Variants in BBS9 observed in about 807,000 individuals in gnomAD.
BBS9 encodes the protein protein PTHB1.
BBS9 carries 89 observed loss-of-function variants against 117.7 expected under a neutral mutation model. That is an observed-to-expected ratio of 0.76 (90% CI 0.64 to 0.90). The LOEUF (loss-of-function observed/expected upper bound fraction) is 0.90. Ranked by LOEUF, BBS9 falls within the 40% of genes least tolerant of loss-of-function variation. BBS9 has a pLI of 0.00. For missense variants in BBS9, 982 were observed against 1,042.2 expected (o/e 0.94, Z 0.80); for synonymous variants, 379 against 370.9 (o/e 1.02, Z -0.25).
At chr7:33,480,482 T>C (rs544852514) in intron 19 of BBS9, among the ~76,000 whole-genome samples, 9 of 152,282 alleles carry the variant, frequency 5.9e-5, no homozygotes, top group South Asian at 4.1e-4. Context: ...GCAGAGGAAT[T>C]CTGATCTGGG....
At chr7:33,347,616 T>G (rs1215603348) in intron 12 of BBS9, among the ~76,000 whole-genome samples, 1 of 152,000 alleles carries the variant, frequency 6.6e-6, no homozygotes, top group Non-Finnish European at 1.5e-5. Context: ...AATTTTTATG[T>G]TTTTAACTTA....
intron 9 of BBS9, among the ~76,000 whole-genome samples, chr7:33,305,912 T>C (rs1331055771): frequency 6.6e-6 from 1 of 152,126 alleles, no homozygotes; most frequent in Non-Finnish European, 1.5e-5. Flanking sequence ...TTATTTTTGC[T>C]GTGATGTTTA....
At chr7:33,601,829 T>A (rs1863842260) in intron 21 of BBS9, among the ~76,000 whole-genome samples, 2 of 152,176 alleles carry the variant, frequency 1.3e-5, no homozygotes, top group Admixed American at 1.3e-4. Flanking sequence ...GTGTCTTGAC[T>A]TCTGCCTGCA....
chr7:33,284,873 C>T (rs1013767607), intron 9 of BBS9, among the ~76,000 whole-genome samples: 3 of 152,064 alleles, frequency 2.0e-5, no homozygotes, highest in African/African-American at 7.2e-5. Flanking sequence ...TGTCTTTCTC[C>T]CAGCCACTTC....
chr7:33,219,922 TCACC>T (rs1430906531), intron 5 of BBS9, among the ~76,000 whole-genome samples: 3 of 152,096 alleles, frequency 2.0e-5, no homozygotes, highest in Non-Finnish European at 4.4e-5. Context: ...GCTGTAACAC[TCACC>T]GCGAAGTTCT....
At chr7:33,344,454 A>G in intron 11 of BBS9, 127 bp from the exon 12 acceptor site, 1 of 893,852 alleles carries the variant, frequency 1.1e-6, no homozygotes, top group Non-Finnish European at 1.9e-6. Flanking sequence ...GTCTGTCATT[A>G]GAGTAATAAA....
chr7:33,500,888 A>T (rs1845355509), intron 19 of BBS9, among the ~76,000 whole-genome samples: 1 of 152,162 alleles, frequency 6.6e-6, no homozygotes, highest in Admixed American at 6.5e-5. Context: ...CCTCTGCCTC[A>T]TTACTTTGGC....
chr7:33,182,639 A>AT (rs538962493), intron 5 of BBS9, among the ~76,000 whole-genome samples: 2 of 152,156 alleles, frequency 1.3e-5, no homozygotes, highest in Non-Finnish European at 2.9e-5. Context: ...TATAGTCTTA[A>AT]TTTTTTTATA....
intron 19 of BBS9, among the ~76,000 whole-genome samples, chr7:33,416,015 G>A (rs1162672546): frequency 1.3e-5 from 2 of 151,942 alleles, no homozygotes; most frequent in Non-Finnish European, 2.9e-5. Flanking sequence ...TGTAGTTTTT[G>A]TAGAGTTGGG....
intron 7 of BBS9, among the ~76,000 whole-genome samples, chr7:33,270,173 C>T (rs1010078082): frequency 6.6e-6 from 1 of 152,134 alleles, no homozygotes; most frequent in East Asian, 1.9e-4. Flanking sequence ...CAGAAAGCTT[C>T]AGCCCTCTGA....
intron 5 of BBS9, among the ~76,000 whole-genome samples, chr7:33,185,513 G>A (rs1280288149): frequency 6.6e-6 from 1 of 152,088 alleles, no homozygotes; most frequent in Non-Finnish European, 1.5e-5. Flanking sequence ...ATTGCAAAAA[G>A]TTCAGAACTT....
At chr7:33,558,989 A>G (rs934699814) in intron 21 of BBS9, among the ~76,000 whole-genome samples, 6 of 152,146 alleles carry the variant, frequency 3.9e-5, no homozygotes, top group African/African-American at 9.7e-5. Flanking sequence ...CCTAAGTACA[A>G]TTGGGCCCAA....
At chr7:33,201,197 T>A (rs2128210595) in intron 5 of BBS9, among the ~76,000 whole-genome samples, 2 of 152,204 alleles carry the variant, frequency 1.3e-5, no homozygotes, top group East Asian at 3.9e-4. Context: ...GGATGAAGAC[T>A]TTTTCTTCAT....
intron 5 of BBS9, among the ~76,000 whole-genome samples, chr7:33,254,327 A>G (rs1796681060): frequency 6.6e-6 from 1 of 152,058 alleles, no homozygotes; most frequent in Non-Finnish European, 1.5e-5. Context: ...CATGTTAGGG[A>G]CTTTGACATC....
At chr7:33,327,937 G>C (rs2128601242) in intron 9 of BBS9, among the ~76,000 whole-genome samples, 1 of 152,304 alleles carries the variant, frequency 6.6e-6, no homozygotes, top group East Asian at 1.9e-4. Flanking sequence ...CAGGAGGGTA[G>C]CTTTGAGTTG....
At chr7:33,349,953 T>C (rs552660477) in intron 13 of BBS9, among the ~76,000 whole-genome samples, 1 of 152,310 alleles carries the variant, frequency 6.6e-6, no homozygotes, top group Non-Finnish European at 1.5e-5. Context: ...GGTAATGATA[T>C]TTGTTTTACA....
intron 11 of BBS9, among the ~76,000 whole-genome samples, chr7:33,344,258 T>G (rs967182994): frequency 2.0e-5 from 3 of 151,560 alleles, no homozygotes; most frequent in Non-Finnish European, 4.4e-5. Context: ...ATTTTTTGTA[T>G]TTTTAGTAGA....
Position 33,352,768 on chromosome 7 carries a change from A to G in BBS9, c.1538-91A>G, listed in dbSNP as rs11769616. On this transcript the variant is annotated intron_variant, in intron 14 of 22. Coordinates refer to ENST00000242067, the MANE Select transcript of BBS9 (RefSeq NM_198428.3). ...AAATTTTAATTTGTATTTTAAGCAG[A>G]TATGTGTCAAATTTGTGTTGTAACT... The G allele has an allele frequency of 0.2, 271,768 of 1,384,880 alleles. 28,446 individuals carry two copies. The highest frequency in any genetic ancestry group is 0.24 in the South Asian group (20,291 of 86,310). 85.8% of individuals were successfully genotyped at this position (1,384,880 alleles called of 1,614,324 possible).
chr7:33,555,159 C>A (rs1855101461), intron 21 of BBS9, among the ~76,000 whole-genome samples: 1 of 152,184 alleles, frequency 6.6e-6, no homozygotes, highest in Admixed American at 6.5e-5. Context: ...AATGAAAGAG[C>A]ACTGCCCCAT....
Sources: gnomAD v4.1 joint callset for allele counts (sites outside exome capture counted in the v4.1 genomes callset) on GRCh38, gnomAD v4.1.1 for gene constraint, MANE v1.5 for transcripts, NCBI Gene and HGNC (gene_info 2026-07-23, HGNC 2026-07-21) for gene names.